SUOX: variants seen among roughly 807,000 people sequenced by gnomAD.
SUOX encodes the protein sulfite oxidase.
SUOX carries 39 observed loss-of-function variants against 41.9 expected under a neutral mutation model. The ratio of observed to expected loss-of-function variants is 0.93; its 90% confidence interval spans 0.72 to 1.21. The LOEUF (loss-of-function observed/expected upper bound fraction) is 1.21. SUOX is among the 50% of genes most tolerant of loss of function. The pLI is 0.00. For synonymous variants in SUOX, 220 were observed against 268.4 expected (o/e 0.82, Z 1.76); for missense variants, 633 against 689.5 (o/e 0.92, Z 0.92).
intron 2 of SUOX, 38 bp from the exon 3 acceptor site, chr12:56,002,174 G>T: frequency 6.2e-7 from 1 of 1,611,144 alleles, no homozygotes; most frequent in Non-Finnish European, 8.5e-7. Context: ...CCCCTCCCAG[G>T]GTCTCCCTAT....
intron 2 of SUOX, 85 bp downstream of exon 2, chr12:55,997,808 C>T (rs1890361795): frequency 6.6e-6 from 1 of 152,310 alleles, no homozygotes; most frequent in Admixed American, 6.5e-5. Context: ...TTCCTTTCCT[C>T]CCTACCCACG....
rs1177308192 is a variant in SUOX at position 56,003,504 on chromosome 12, GC to G, written c.229-111del. 6 of 962,458 alleles carry G rather than the reference GC, an allele frequency of 6.2e-6. No homozygotes were observed. In the African/African-American group the frequency reaches 9.6e-5, roughly 15 times the overall value. The allele number at this position is 962,458 out of a possible 1,614,324, so 59.6% of individuals were successfully genotyped here. On this transcript the variant is annotated intron_variant, in intron 4 of 4. Coordinates refer to ENST00000266971, the MANE Select transcript of SUOX (RefSeq NM_001032386.2). ...TTGAACTCCCGACCTTATGTGATCC[GC>G]CCACCTCGGCCTCCCAAAGTGCTGG...
intron 2 of SUOX, among the ~76,000 whole-genome samples, chr12:55,998,825 G>T (rs541767462): frequency 2.0e-5 from 3 of 151,682 alleles, no homozygotes; most frequent in Admixed American, 2.0e-4. Flanking sequence ...TTGAGACAAG[G>T]TCTTGCCCTG....
Position 56,004,279 on chromosome 12 carries a change from G to A in SUOX, c.890G>A (p.Arg297Gln), listed in dbSNP as rs764275182. Residue 297 changes from arginine to glutamine, a missense_variant, in exon 5 of 5, where the codon CGG (arginine) becomes CAG (glutamine). Coordinates refer to ENST00000266971, the MANE Select transcript of SUOX (RefSeq NM_001032386.2). The surrounding 1 kb of genome is among the most constrained non-coding windows in gnomAD (Gnocchi z 4.5). The part of the protein sequence containing the change: ...AISTARWAGA[R>Q]LCDVLAQAGH... Reference sequence around the variant, plus strand: ...AGCACTGCACGCTGGGCTGGGGCACGGCTCTGTGATGTGTTAGCCCAGGCT... The same window carrying A: ...AGCACTGCACGCTGGGCTGGGGCACAGCTCTGTGATGTGTTAGCCCAGGCT... The A allele has an allele frequency of 3.2e-5, 51 of 1,613,950 alleles. No homozygotes were observed. The highest frequency in any genetic ancestry group is 3.2e-5 in the Non-Finnish European group (38 of 1,180,018).
chr12:56,003,588 C>T (rs764264359), intron 4 of SUOX, 30 bp from the exon 5 acceptor site: 2 of 1,603,496 alleles, frequency 1.2e-6, no homozygotes, highest in Non-Finnish European at 1.7e-6. Context: ...TAGTCTCTTC[C>T]CTTTTATCTT....
chr12:56,002,036 A>AGT (rs1890549686), intron 2 of SUOX, 176 bp from the exon 3 acceptor site: 1 of 1,481,438 alleles, frequency 6.8e-7, no homozygotes, highest in East Asian at 2.5e-5. Flanking sequence ...CTGTCTCTGA[A>AGT]GTGCTCCAAG....
At chr12:55,999,853 T>G (rs1248816087) in intron 2 of SUOX, among the ~76,000 whole-genome samples, 1 of 152,058 alleles carries the variant, frequency 6.6e-6, no homozygotes, top group Non-Finnish European at 1.5e-5. Flanking sequence ...GTTCTCCACA[T>G]CCCCACCAGA....
chr12:56,004,601 T>C lies in SUOX; in HGVS notation c.1212T>C (p.Ser404=). Residue 404 remains serine (S), a synonymous_variant, in exon 5 of 5, where the codon TCT becomes TCC. Transcript: ENST00000266971. This position sits in a 1 kb window ranked among gnomAD's most constrained non-coding sequence, Gnocchi z 4.5. ...HWQRRDYKGF[S]PSVDWETVDF... is the part of the protein sequence containing the mutation. ...AACGGCGGGATTACAAAGGCTTCTC[T>C]CCATCTGTGGACTGGGAGACTGTAG... is the stretch of plus-strand genomic sequence containing the variant. 1 of 1,614,208 alleles carries C rather than the reference T, an allele frequency of 6.2e-7. No homozygotes were observed. Among genetic ancestry groups the C allele is most frequent in the Non-Finnish European group, 8.5e-7 (1 of 1,180,040 alleles).
At chr12:56,002,015 G>A (rs886169333) in intron 2 of SUOX, 197 bp from the exon 3 acceptor site, 16 of 1,458,322 alleles carry the variant, frequency 1.1e-5, no homozygotes, top group African/African-American at 2.8e-5. Flanking sequence ...CTGCCATCCT[G>A]TCAGCACAGT....
At chr12:56,002,464 G>C in intron 3 of SUOX, 79 bp from the exon 4 acceptor site, 3 of 1,592,940 alleles carry the variant, frequency 1.9e-6, no homozygotes, top group Non-Finnish European at 2.6e-6. Context: ...GGCCAACCAG[G>C]GAGAAAGAAG....
chr12:56,003,774 G>C lies in SUOX; in HGVS notation c.385G>C (p.Ala129Pro). ...GGGGCCTTCAAAGCTGATGCTAGCAGCTGGGGGTCCCCTAGAGCCCTTCTG... is the reference window on the plus strand; with the variant it reads ...GGGGCCTTCAAAGCTGATGCTAGCACCTGGGGGTCCCCTAGAGCCCTTCTG... Reference protein sequence around the residue: ...PGGPSKLMLAAGGPLEPFWAL... With the variant: ...PGGPSKLMLAPGGPLEPFWAL... The change falls in exon 5 of 5, where the codon GCT becomes CCT. Residue 129 changes from alanine (A) to proline (P), a missense_variant. Coordinates refer to ENST00000266971, the MANE Select transcript of SUOX (RefSeq NM_001032386.2). 2 of 1,613,868 alleles carry C rather than the reference G, an allele frequency of 1.2e-6. No individual in the cohort carries two copies. The highest frequency in any genetic ancestry group is 1.7e-6 in the Non-Finnish European group (2 of 1,179,866).
At chr12:55,998,647 A>C (rs1206440470) in intron 2 of SUOX, among the ~76,000 whole-genome samples, 1 of 151,906 alleles carries the variant, frequency 6.6e-6, no homozygotes, top group Admixed American at 6.6e-5. Context: ...ACCAGCCCTG[A>C]CAACATAGAC....
Position 56,002,567 on chromosome 12 carries a change from C to A in SUOX, c.75C>A (p.Ile25=), listed in dbSNP as rs1890572073. 6.2e-7 allele frequency: 1 copy of A among 1,614,048 alleles called. No individual in the cohort carries two copies. The highest frequency in any genetic ancestry group is 1.1e-5 in the South Asian group (1 of 91,078). ...ACRLKSIPSR[I]CIQACSTNDS... ...GACTCAAGTCAATCCCCTCAAGGAT[C>A]TGCATTCAGGCCTGCTCCACAAATG... is the stretch of plus-strand genomic sequence containing the variant. The change falls in exon 4 of 5, where the codon ATC becomes ATA. Residue 25 remains isoleucine (I), a synonymous_variant. Coordinates refer to ENST00000266971, the MANE Select transcript of SUOX (RefSeq NM_001032386.2).
intron 2 of SUOX, 43 bp from the exon 3 acceptor site, chr12:56,002,169 C>T: frequency 6.2e-7 from 1 of 1,610,558 alleles, no homozygotes; most frequent in Non-Finnish European, 8.5e-7. Context: ...AATATCCCCT[C>T]CCAGGGTCTC....
chr12:56,002,519 T>C (rs1890569683), intron 3 of SUOX, 24 bp from the exon 4 acceptor site: 1 of 1,614,052 alleles, frequency 6.2e-7, no homozygotes, highest in Admixed American at 1.7e-5. Context: ...CCATACGTGC[T>C]ACTAAGACCG....
chr12:56,004,671 G>T lies in SUOX; in HGVS notation c.1282G>T (p.Ala428Ser). The change falls in exon 5 of 5, where the codon GCC becomes TCC. Residue 428 changes from alanine to serine, a missense_variant. By Grantham distance (99) the Ala-to-Ser change is moderately conservative. Coordinates refer to ENST00000266971, the MANE Select transcript of SUOX (RefSeq NM_001032386.2). This position sits in a 1 kb window ranked among gnomAD's most constrained non-coding sequence, Gnocchi z 4.5. The part of the protein sequence containing the change: ...PSIQELPVQS[A>S]ITEPRDGETV... ...CATTCAGGAACTTCCTGTCCAGTCG[G>T]CCATCACAGAGCCCCGGGATGGAGA... is the stretch of plus-strand genomic sequence containing the variant. 1 of 1,613,832 alleles carries T rather than the reference G, an allele frequency of 6.2e-7. No homozygotes were observed.
At position 56,004,394 on chromosome 12, in the gene SUOX, T is replaced by C. The variant is rs1273748741; in HGVS notation, c.1005T>C (p.Pro335=). 1.9e-6 allele frequency: 3 copies of C among 1,613,872 alleles called. No individual in the cohort carries two copies. Among genetic ancestry groups the C allele is most frequent in the African/African-American group, 2.7e-5 (2 of 74,912 alleles). ...GGACTGCCTATGGAGCATCCATCCC[T>C]CTGGCTCGGGCCATGGACCCTGAAG... ...PTGTAYGASI[P]LARAMDPEAE... is the part of the protein sequence containing the mutation. Residue 335 remains proline (P), a synonymous_variant, in exon 5 of 5, where the codon CCT becomes CCC. Coordinates refer to ENST00000266971, the MANE Select transcript of SUOX (RefSeq NM_001032386.2). This position sits in a 1 kb window ranked among gnomAD's most constrained non-coding sequence, Gnocchi z 4.5.
chr12:55,999,529 T>A (rs1890432971), intron 2 of SUOX: 1 of 153,974 alleles, frequency 6.5e-6, no homozygotes, highest in African/African-American at 2.4e-5. Context: ...GTGTTTGGAG[T>A]TTCTTCCTTC....
Position 56,003,175 on chromosome 12 carries a change from A to G in SUOX, c.229-443A>G, listed in dbSNP as rs548156501. On this transcript the variant is annotated intron_variant, in intron 4 of 4. Coordinates refer to ENST00000266971, the MANE Select transcript of SUOX (RefSeq NM_001032386.2). Reference sequence around the variant, plus strand: ...ATGCACAGTGGAGATGAAATCTGCTAATCTGCTACCTTCGCTTCCCAGTGG... The same window carrying G: ...ATGCACAGTGGAGATGAAATCTGCTGATCTGCTACCTTCGCTTCCCAGTGG... The G allele has an allele frequency of 4.7e-4, 118 of 248,616 alleles. 1 individual carries two copies. The highest frequency in any genetic ancestry group is 1.8e-4 in the Non-Finnish European group (23 of 126,576). The allele number at this position is 248,616 out of a possible 1,614,324, so 15.4% of individuals were successfully genotyped here.
Sources: allele counts gnomAD v4.1 joint callset (sites outside exome capture counted in the v4.1 genomes callset), GRCh38; gene constraint gnomAD v4.1.1; non-coding constraint Gnocchi (gnomAD v3.1); transcripts MANE v1.5; gene names NCBI Gene and HGNC (gene_info 2026-07-23, HGNC 2026-07-21).